Variants in MIPEP observed in about 807,000 individuals in gnomAD.
MIPEP encodes the protein mitochondrial intermediate peptidase.
A neutral mutation model predicts 90.3 loss-of-function variants in MIPEP; 79 were observed. The observed-to-expected ratio is 0.87, with a 90% CI of 0.73 to 1.05. The LOEUF is 1.05. Ranked by LOEUF, MIPEP falls within the 50% of genes least tolerant of loss-of-function variation. The pLI is 0.00. For synonymous variants in MIPEP, 334 were observed against 315.8 expected, an observed-to-expected ratio of 1.06 and a Z score of -0.61; for missense variants, 940 against 905.6, an observed-to-expected ratio of 1.04 and a Z score of -0.49.
At chr13:23,770,335 C>T (rs543770059) in intron 16 of MIPEP, among the ~76,000 whole-genome samples, 1 of 152,174 alleles carries the variant, frequency 6.6e-6, no homozygotes, top group African/African-American at 2.4e-5. Context: ...TACTCTTCCC[C>T]CAGGTCGATC....
At chr13:23,852,993 A>G (rs1351727949) in intron 10 of MIPEP, among the ~76,000 whole-genome samples, 1 of 152,216 alleles carries the variant, frequency 6.6e-6, no homozygotes, top group African/African-American at 2.4e-5. Context: ...TTTATAGAGT[A>G]AGGATTAAAA....
At position 23,875,027 on chromosome 13, in the gene MIPEP, AACACACACACACACAC is replaced by A. The variant is rs10595689; in HGVS notation, c.540-134_540-119del. ...GCCTCACTGCCAAAAGTTTCTTCAA[AACACACACACACACAC>A]ACACACACACACACACACACTTTGT... On this transcript the variant is annotated intron_variant, in intron 4 of 18. Transcript: ENST00000382172. 3.7e-3 allele frequency: 1,498 copies of A among 402,100 alleles called. 18 individuals are homozygous for A. The South Asian group carries it at 0.041, about 11-fold the overall frequency. The allele number at this position is 402,100 out of a possible 1,614,324, so 24.9% of individuals were successfully genotyped here.
intron 18 of MIPEP, among the ~76,000 whole-genome samples, chr13:23,737,522 A>C (rs1952278781): frequency 6.6e-6 from 1 of 152,200 alleles, no homozygotes; most frequent in Non-Finnish European, 1.5e-5. Flanking sequence ...CACTTTCGCC[A>C]AGAAAAAATC....
intron 16 of MIPEP, among the ~76,000 whole-genome samples, chr13:23,774,818 G>T: frequency 1.5e-5 from 1 of 66,480 alleles, no homozygotes; most frequent in Non-Finnish European, 2.9e-5. Context: ...TTTTGAGATG[G>T]AGTTTTGCTC....
chr13:23,869,362 A>G lies in MIPEP; in HGVS notation c.873T>C (p.Leu291=). 1.2e-6 allele frequency: 2 copies of G among 1,613,716 alleles called. No homozygotes were observed. The highest frequency in any genetic ancestry group is 1.7e-6 in the Non-Finnish European group (2 of 1,179,926). Residue 291 remains leucine (L), a synonymous_variant, in exon 7 of 19, where the codon CTT becomes CTC. Coordinates refer to ENST00000382172, the MANE Select transcript of MIPEP (RefSeq NM_005932.4). ...CLEELLSSRD[L]LAKLVGYSTF... is the part of the protein sequence containing the mutation. Reference sequence around the variant, plus strand: ...TGGAATACCCCACCAACTTTGCCAGAAGATCTCTGCTGCTGAGCAATTCTT... The same window carrying G: ...TGGAATACCCCACCAACTTTGCCAGGAGATCTCTGCTGCTGAGCAATTCTT...
At chr13:23,865,510 T>C (rs570375292) in intron 7 of MIPEP, among the ~76,000 whole-genome samples, 12 of 152,322 alleles carry the variant, frequency 7.9e-5, no homozygotes, top group African/African-American at 2.6e-4. Context: ...TAGTCAACAA[T>C]GAAATCTCAT....
At chr13:23,845,766 G>A (rs1232188253) in intron 10 of MIPEP, among the ~76,000 whole-genome samples, 4 of 151,984 alleles carry the variant, frequency 2.6e-5, no homozygotes, top group African/African-American at 9.7e-5. Flanking sequence ...TCTCACTCTC[G>A]CCAATGTAAT....
intron 14 of MIPEP, among the ~76,000 whole-genome samples, chr13:23,818,845 G>C (rs7317680): frequency 0.082 from 12,443 of 152,210 alleles, 1,727 homozygotes; most frequent in African/African-American, 0.28. Context: ...GAAATTCAAT[G>C]ATGTGCCTCA....
intron 13 of MIPEP, among the ~76,000 whole-genome samples, chr13:23,836,685 C>T (rs1315669888): frequency 6.6e-6 from 1 of 152,174 alleles, no homozygotes; most frequent in Non-Finnish European, 1.5e-5. Context: ...ATTAATATAG[C>T]GTTTGTATTT....
intron 7 of MIPEP, among the ~76,000 whole-genome samples, chr13:23,866,203 GC>G (rs1870525027): frequency 6.6e-6 from 1 of 151,950 alleles, no homozygotes; most frequent in African/African-American, 2.4e-5. Context: ...TCTGACAAAT[GC>G]CCCGAGCTCC....
intron 16 of MIPEP, among the ~76,000 whole-genome samples, chr13:23,787,064 C>A (rs1952850445): frequency 6.6e-6 from 1 of 152,098 alleles, no homozygotes. Context: ...GCTTGACACG[C>A]AGGTAAGTGG....
At chr13:23,771,137 G>A (rs1952645867) in intron 16 of MIPEP, among the ~76,000 whole-genome samples, 1 of 152,150 alleles carries the variant, frequency 6.6e-6, no homozygotes, top group Non-Finnish European at 1.5e-5. Context: ...TGCACTTACC[G>A]GCTGCACAGC....
rs1254879216 is a variant in MIPEP, at chr13:23,886,372, G to A, written c.324C>T (p.Phe108=). ...TGCATAAGGAATCCGAGAGCTCATC[G>A]AAGATCAGCACGGTCTGGGGCCCAG... ...TPPGPQTVLI[F]DELSDSLCRV... The change falls in exon 2 of 19, where the codon TTC becomes TTT. Residue 108 remains phenylalanine, a synonymous_variant. Transcript: ENST00000382172. The A allele has an allele frequency of 8.7e-6, 14 of 1,600,854 alleles. No individual in the cohort carries two copies. The highest frequency in any genetic ancestry group is 1.7e-5 in the Admixed American group (1 of 58,388).
At chr13:23,832,689 A>G (rs1336434136) in intron 14 of MIPEP, among the ~76,000 whole-genome samples, 1 of 152,204 alleles carries the variant, frequency 6.6e-6, no homozygotes, top group Non-Finnish European at 1.5e-5. Context: ...CCACTAAGGT[A>G]GCCTAAAATT....
intron 11 of MIPEP, among the ~76,000 whole-genome samples, 184 bp from the exon 12 acceptor site, chr13:23,839,910 G>C (rs1869221881): frequency 6.6e-6 from 1 of 152,084 alleles, no homozygotes; most frequent in South Asian, 2.1e-4. Context: ...TCCATCTCTT[G>C]AATGATTTTG....
chr13:23,803,859 CT>C (rs139217522), intron 16 of MIPEP, among the ~76,000 whole-genome samples: 5 of 152,106 alleles, frequency 3.3e-5, no homozygotes, highest in Non-Finnish European at 5.9e-5. Flanking sequence ...CTCTCAGACA[CT>C]TTTTTTTAAA....
At chr13:23,817,141 A>G (rs977636410) in intron 14 of MIPEP, among the ~76,000 whole-genome samples, 10 of 152,234 alleles carry the variant, frequency 6.6e-5, no homozygotes, top group African/African-American at 1.9e-4. Flanking sequence ...TCCTAGGTGG[A>G]TGGGCAAATC....
Position 23,877,712 on chromosome 13 carries a change from T to G in MIPEP, c.539+1556A>C, listed in dbSNP as rs1254029839. Among the ~76,000 whole-genome samples the G allele has an allele frequency of 4.6e-5, 7 of 152,242 alleles. No homozygotes were observed. In the East Asian group the frequency reaches 1.3e-3, roughly 29 times the overall value. The stretch of plus-strand genomic sequence containing the variant: ...AAATCATTCCCTCTGTACATTAACT[T>G]ACAAGACTTTATTAAATCTTTAATT... On this transcript the variant is annotated intron_variant, in intron 4 of 18. Transcript: ENST00000382172.
intron 8 of MIPEP, 150 bp from the exon 9 acceptor site, chr13:23,862,512 C>T: frequency 1.8e-6 from 1 of 559,466 alleles, no homozygotes; most frequent in Non-Finnish European, 3.2e-6. Flanking sequence ...CAAATTTTAC[C>T]TAAGTGTCAT....
Sources: allele counts gnomAD v4.1 joint callset (sites outside exome capture counted in the v4.1 genomes callset), GRCh38; gene constraint gnomAD v4.1.1; transcripts MANE v1.5; gene names NCBI Gene and HGNC (gene_info 2026-07-23, HGNC 2026-07-21).